NTRK3: variants seen among roughly 807,000 people sequenced by gnomAD.
NTRK3 encodes the protein neurotrophic receptor tyrosine kinase 3.
A neutral mutation model predicts 91.7 loss-of-function variants in NTRK3; 24 were observed. That is an observed-to-expected ratio of 0.26 (90% CI 0.19 to 0.37). The LOEUF is 0.37. Among genes scored for constraint, NTRK3 ranks in the 10% least tolerant of loss-of-function variants. The pLI is 1.00. For synonymous variants in NTRK3, 483 were observed against 404.0 expected (o/e 1.20, Z -2.34); for missense variants, 880 against 1,068.9 (o/e 0.82, Z 2.46).
intron 14 of NTRK3, among the ~76,000 whole-genome samples, chr15:87,965,295 G>A (rs1434533338): frequency 2.6e-5 from 4 of 152,180 alleles, no homozygotes; most frequent in African/African-American, 9.7e-5. Context: ...AAAGCACAAT[G>A]TTATTAAAAG....
chr15:88,073,100 T>C (rs2150558326), intron 13 of NTRK3, among the ~76,000 whole-genome samples: 1 of 152,260 alleles, frequency 6.6e-6, no homozygotes, highest in East Asian at 1.9e-4. Flanking sequence ...ATTAATAACA[T>C]TGGTGTAAAG....
intron 13 of NTRK3, among the ~76,000 whole-genome samples, chr15:88,087,592 G>C (rs1018595357): frequency 6.6e-6 from 1 of 152,196 alleles, no homozygotes; most frequent in Admixed American, 6.5e-5. Flanking sequence ...GGATCAATGG[G>C]ATGGGTGAGA....
chr15:88,202,668 G>A (rs1456306781), intron 3 of NTRK3, among the ~76,000 whole-genome samples: 1 of 152,170 alleles, frequency 6.6e-6, no homozygotes, highest in Non-Finnish European at 1.5e-5. Flanking sequence ...TTCCATTCAA[G>A]CCCATCTCCT....
At chr15:87,904,050 T>C (rs1046436412) in intron 17 of NTRK3, among the ~76,000 whole-genome samples, 7 of 152,190 alleles carry the variant, frequency 4.6e-5, no homozygotes, top group Non-Finnish European at 8.8e-5. Flanking sequence ...TTAGGTTCCT[T>C]AGAAATACTA....
intron 14 of NTRK3, among the ~76,000 whole-genome samples, chr15:87,956,015 G>A (rs931492251): frequency 3.9e-5 from 6 of 152,036 alleles, no homozygotes; most frequent in South Asian, 2.1e-4. Context: ...AATAAGCCCC[G>A]TGGTGGGACA....
At chr15:88,205,878 C>T (rs2048707097) in intron 3 of NTRK3, 1 of 152,286 alleles carries the variant, frequency 6.6e-6, no homozygotes, top group Admixed American at 6.5e-5. Context: ...CCCCTGAATC[C>T]CTCATGCTCC....
exon 19 of NTRK3, chr15:87,871,445 C>T (rs2064825426): frequency 4.3e-6 from 1 of 230,426 alleles, no homozygotes; most frequent in African/African-American, 2.2e-5. Context: ...ATCTCACATT[C>T]TCTCTGTCTC....
At position 88,043,485 on chromosome 15, in the gene NTRK3, G is replaced by A. The variant is rs1393898759; in HGVS notation, c.1397-10440C>T. ...TCCTGGGGACTTTTGAAGACTGGGA[G>A]GAAACATCACTTGAGGTCATGCAGT... On this transcript the variant is annotated intron_variant, in intron 13 of 18. Transcript: ENST00000394480. Among the ~76,000 whole-genome samples, 4 of 152,316 alleles carry A rather than the reference G, an allele frequency of 2.6e-5. No homozygotes were observed. In the East Asian group the frequency reaches 7.7e-4, roughly 29 times the overall value.
intron 14 of NTRK3, among the ~76,000 whole-genome samples, chr15:87,949,547 T>A (rs1410111954): frequency 6.6e-6 from 1 of 152,066 alleles, no homozygotes; most frequent in East Asian, 1.9e-4. Context: ...CTGTCTGTTC[T>A]GGGGCAATTT....
chr15:87,927,452 C>T (rs971065049), intron 17 of NTRK3: 1 of 152,172 alleles, frequency 6.6e-6, no homozygotes, highest in Admixed American at 6.5e-5. Context: ...CCACTATGCT[C>T]AGGTCAACAG....
chr15:88,229,023 G>T (rs1036457506), intron 3 of NTRK3, among the ~76,000 whole-genome samples: 1 of 152,200 alleles, frequency 6.6e-6, no homozygotes, highest in African/African-American at 2.4e-5. Flanking sequence ...AGGACATATT[G>T]GCTGCAGCCA....
intron 13 of NTRK3, among the ~76,000 whole-genome samples, chr15:88,054,555 T>A (rs2045519375): frequency 6.6e-6 from 1 of 152,042 alleles, no homozygotes; most frequent in Admixed American, 6.5e-5. Flanking sequence ...AATTAGACAG[T>A]TAGAATTAAT....
chr15:88,030,493 TG>T (rs986516900), intron 14 of NTRK3, among the ~76,000 whole-genome samples: 2 of 152,174 alleles, frequency 1.3e-5, no homozygotes, highest in Non-Finnish European at 2.9e-5. Flanking sequence ...GCGGATAACC[TG>T]GTATCAGGAG....
chr15:88,227,981 T>C (rs1166440202), intron 3 of NTRK3, among the ~76,000 whole-genome samples: 3 of 152,168 alleles, frequency 2.0e-5, no homozygotes, highest in African/African-American at 7.2e-5. Flanking sequence ...CCCTCACCTC[T>C]AGACACATAA....
chr15:88,135,104 G>C (rs2151189509), exon 10 of NTRK3: 2 of 1,614,224 alleles, frequency 1.2e-6, no homozygotes, highest in Non-Finnish European at 1.7e-6. Flanking sequence ...CCCTCACCTG[G>C]AAAGGGCTCC....
At chr15:88,098,316 G>C (rs2049830118) in intron 13 of NTRK3, among the ~76,000 whole-genome samples, 1 of 152,198 alleles carries the variant, frequency 6.6e-6, no homozygotes. Context: ...AGAATCTGTT[G>C]ACGTAGCATC....
rs541458938 is a variant in NTRK3, at chr15:88,198,556, G to T, written c.249-14257C>A. On this transcript the variant is annotated intron_variant, in intron 3 of 18. Transcript: ENST00000394480. ...GAAATTTTTCTAGGTGGCTGCTGAT[G>T]TATGTATGTAATCCTGTCACCTGTG... Among the ~76,000 whole-genome samples, 13 of 152,356 alleles carry T rather than the reference G, an allele frequency of 8.5e-5. No homozygotes were observed. The South Asian group carries it at 2.7e-3, about 32-fold the overall frequency.
At chr15:88,014,145 G>A (rs376437160) in intron 14 of NTRK3, among the ~76,000 whole-genome samples, 63 of 152,338 alleles carry the variant, frequency 4.1e-4, no homozygotes, top group African/African-American at 1.5e-3. Context: ...TTCAACTGCA[G>A]AATTCCCCAA....
chr15:87,978,146 G>A (rs763115529), intron 14 of NTRK3: 2 of 230,458 alleles, frequency 8.7e-6, no homozygotes, highest in Non-Finnish European at 1.7e-5. Context: ...CCCTACAAAT[G>A]TGCCTTTCCT....
Sources: allele counts gnomAD v4.1 joint callset (sites outside exome capture counted in the v4.1 genomes callset), GRCh38; gene constraint gnomAD v4.1.1; transcripts MANE v1.5; gene names NCBI Gene and HGNC (gene_info 2026-07-23, HGNC 2026-07-21).